ZNF713: variants seen among roughly 807,000 people sequenced by gnomAD.
ZNF713 encodes zinc finger protein 713.
Under a neutral mutation model 28.7 loss-of-function variants are expected in ZNF713, and 21 were observed. The observed-to-expected ratio is 0.73, with a 90% CI of 0.52 to 1.05. The LOEUF (loss-of-function observed/expected upper bound fraction) is 1.05. Among genes scored for constraint, ZNF713 ranks in the 50% least tolerant of loss-of-function variants. The pLI, the probability that ZNF713 is intolerant of heterozygous loss-of-function variation, is 0.00. For synonymous variants in ZNF713, 167 were observed against 178.0 expected, an observed-to-expected ratio of 0.94 and a Z score of 0.49; for missense variants, 458 against 532.4, an observed-to-expected ratio of 0.86 and a Z score of 1.37.
intron 1 of ZNF713, among the ~76,000 whole-genome samples, chr7:55,903,893 A>C (rs576029778): frequency 6.6e-6 from 1 of 152,140 alleles, no homozygotes; most frequent in East Asian, 1.9e-4. Context: ...AGTCAGTCGT[A>C]GGATTCTTTA....
intron 1 of ZNF713, among the ~76,000 whole-genome samples, chr7:55,891,021 TAAG>T (rs1785372133): frequency 6.6e-6 from 1 of 151,122 alleles, no homozygotes; most frequent in Admixed American, 6.6e-5. Flanking sequence ...AAAAAAAAAT[TAAG>T]GAGTGTGCCT....
chr7:55,893,207 C>T (rs1371402083), intron 1 of ZNF713, among the ~76,000 whole-genome samples: 1 of 152,118 alleles, frequency 6.6e-6, no homozygotes, highest in Non-Finnish European at 1.5e-5. Context: ...TTTTATGTGA[C>T]ATGGGAGCCT....
At chr7:55,894,929 G>A (rs955672584) in intron 1 of ZNF713, among the ~76,000 whole-genome samples, 5 of 152,168 alleles carry the variant, frequency 3.3e-5, no homozygotes, top group Non-Finnish European at 7.3e-5. Flanking sequence ...GTGTATGCCT[G>A]TGTGTGTATA....
At chr7:55,894,546 T>G (rs1785440740) in intron 1 of ZNF713, among the ~76,000 whole-genome samples, 1 of 152,350 alleles carries the variant, frequency 6.6e-6, no homozygotes, top group Non-Finnish European at 1.5e-5. Context: ...AAGCCTGACA[T>G]TGGTTAATGG....
intron 1 of ZNF713, among the ~76,000 whole-genome samples, chr7:55,905,982 G>A (rs1370668261): frequency 6.6e-6 from 1 of 151,698 alleles, no homozygotes; most frequent in East Asian, 1.9e-4. Context: ...CACGCCTGTA[G>A]TCCCAGCTAT....
chr7:55,936,818 T>C (rs1040709222), intron 6 of ZNF713, among the ~76,000 whole-genome samples: 2 of 152,066 alleles, frequency 1.3e-5, no homozygotes, highest in Non-Finnish European at 2.9e-5. Flanking sequence ...CTATCTAGAT[T>C]ATGGAAATGA....
intron 5 of ZNF713, 57 bp downstream of exon 5, chr7:55,923,345 C>T (rs1327469077): frequency 6.4e-7 from 1 of 1,557,800 alleles, no homozygotes; most frequent in Non-Finnish European, 8.7e-7. Flanking sequence ...ATTTCCTGAA[C>T]TAGTAGAAGC....
intron 6 of ZNF713, among the ~76,000 whole-genome samples, chr7:55,937,169 G>T (rs1249626534): frequency 1.3e-5 from 2 of 152,080 alleles, no homozygotes; most frequent in Non-Finnish European, 2.9e-5. Flanking sequence ...GTGTAGTGGT[G>T]CATGCCTGTG....
chr7:55,912,794 C>A, intron 4 of ZNF713, 71 bp downstream of exon 4: 2 of 1,268,726 alleles, frequency 1.6e-6, no homozygotes, highest in Non-Finnish European at 2.3e-6. Flanking sequence ...TTTTTCATTT[C>A]TCAGAAGTGC....
At chr7:55,908,001 G>A (rs1399156607) in intron 2 of ZNF713, among the ~76,000 whole-genome samples, 2 of 151,826 alleles carry the variant, frequency 1.3e-5, no homozygotes, top group African/African-American at 4.8e-5. Context: ...TGGGTCGAAA[G>A]GTAATTCTAT....
chr7:55,893,468 T>A (rs1325829980), intron 1 of ZNF713, among the ~76,000 whole-genome samples: 4 of 152,156 alleles, frequency 2.6e-5, no homozygotes, highest in Admixed American at 2.6e-4. Context: ...TGAAACAAGG[T>A]AGGTCATATA....
At position 55,936,298 on chromosome 7, in the gene ZNF713, G is replaced by A. The variant is rs1019651961; in HGVS notation, c.308-2684G>A. ...AAAAAAAAATCTGAGAGGGACTTCC[G>A]TGAGGAGATTGGGTAAAGAGCAGAA... On this transcript the variant is annotated intron_variant, in intron 6 of 6. Transcript: ENST00000429591. Among the ~76,000 whole-genome samples the A allele has an allele frequency of 2.0e-5, 3 of 148,824 alleles. 1 individual carries two copies. The highest frequency in any genetic ancestry group is 4.2e-4 in the South Asian group (2 of 4,750).
chr7:55,895,451 CTTTTTTTTTTTTTTTTTTTTTT>C (rs55972416), intron 1 of ZNF713, among the ~76,000 whole-genome samples: 3 of 82,376 alleles, frequency 3.6e-5, no homozygotes, highest in Non-Finnish European at 7.8e-5. Context: ...CTGTTATACT[CTTTTTTTTTTTTTTTTTTTTTT>C]TTTTTTTTTT....
chr7:55,918,993 C>G (rs1292170507), intron 4 of ZNF713, among the ~76,000 whole-genome samples: 1 of 142,918 alleles, frequency 7.0e-6, no homozygotes, highest in African/African-American at 2.6e-5. Flanking sequence ...AATTCTGCCT[C>G]AAAAGAAAGA....
At chr7:55,935,002 C>T (rs55852201) in intron 6 of ZNF713, among the ~76,000 whole-genome samples, 36,735 of 151,360 alleles carry the variant, frequency 0.24, 4,576 homozygotes, top group East Asian at 0.35. Context: ...GATTCTCCTG[C>T]CTCAGCCTCC....
intron 6 of ZNF713, among the ~76,000 whole-genome samples, chr7:55,926,063 C>A (rs1450914848): frequency 6.6e-6 from 1 of 152,136 alleles, no homozygotes; most frequent in Non-Finnish European, 1.5e-5. Flanking sequence ...TGGCTGTAAT[C>A]CCAGCACTTT....
chr7:55,903,780 TG>T (rs1205760708), intron 1 of ZNF713, among the ~76,000 whole-genome samples: 4 of 151,028 alleles, frequency 2.6e-5, no homozygotes, highest in African/African-American at 9.8e-5. Flanking sequence ...GTAGATATCA[TG>T]GGGGTGGATG....
intron 1 of ZNF713, among the ~76,000 whole-genome samples, chr7:55,904,712 T>C (rs1214047228): frequency 6.6e-6 from 1 of 152,078 alleles, no homozygotes. Flanking sequence ...GTGAGAGTTT[T>C]TAATGTTGGA....
chr7:55,923,877 A>G, intron 6 of ZNF713, 178 bp downstream of exon 6: 2 of 494,644 alleles, frequency 4.0e-6, no homozygotes, highest in Non-Finnish European at 7.3e-6. Context: ...ATTTTTTCTC[A>G]TTGAACAGAT....
Sources: gnomAD v4.1 joint callset for allele counts (sites outside exome capture counted in the v4.1 genomes callset) on GRCh38, gnomAD v4.1.1 for gene constraint, MANE v1.5 for transcripts, NCBI Gene and HGNC (gene_info 2026-07-23, HGNC 2026-07-21) for gene names.